LMO7: variants seen among roughly 807,000 people sequenced by gnomAD.
LMO7 encodes the protein LIM domain 7, also known as LIM domain only protein 7.
A neutral mutation model predicts 206.5 loss-of-function variants in LMO7; 120 were observed. That is an observed-to-expected ratio of 0.58 (90% confidence interval 0.50 to 0.68). LMO7 has a LOEUF of 0.68. LMO7 is among the 30% of genes least tolerant of loss of function. LMO7 has a pLI of 0.00. For missense variants in LMO7, 1,959 were observed against 1,957.9 expected (o/e 1.00, Z -0.01); for synonymous variants, 706 against 681.5 (o/e 1.04, Z -0.56).
chr13:75,801,279 C>A (rs2054696431), intron 7 of LMO7, among the ~76,000 whole-genome samples: 3 of 150,838 alleles, frequency 2.0e-5, no homozygotes, highest in South Asian at 4.2e-4. Flanking sequence ...TAACTTTCAT[C>A]CTTGGCTTTT....
At chr13:75,747,625 A>G (rs2046954463) in intron 3 of LMO7, among the ~76,000 whole-genome samples, 1 of 152,206 alleles carries the variant, frequency 6.6e-6, no homozygotes, top group South Asian at 2.1e-4. Flanking sequence ...TATTTGAGAT[A>G]CAGATGCTTC....
intron 23 of LMO7, 82 bp downstream of exon 23, chr13:75,841,283 T>C: frequency 1.2e-6 from 1 of 861,980 alleles, no homozygotes; most frequent in Non-Finnish European, 1.9e-6. Flanking sequence ...GACACTTCAT[T>C]TTTCTCCACC....
intron 8 of LMO7, chr13:75,805,038 C>G: frequency 2.0e-6 from 2 of 1,001,494 alleles, no homozygotes; most frequent in Middle Eastern, 5.1e-4. Context: ...CCGTAGATTC[C>G]AAGTGAAAAA....
intron 1 of LMO7, among the ~76,000 whole-genome samples, chr13:75,651,864 G>T (rs758760926): frequency 6.6e-6 from 1 of 152,048 alleles, no homozygotes; most frequent in Non-Finnish European, 1.5e-5. Context: ...TTCTGGCAGT[G>T]CCATAAAGGA....
chr13:75,808,840 G>A (rs1029342885), intron 10 of LMO7, among the ~76,000 whole-genome samples: 10 of 152,060 alleles, frequency 6.6e-5, no homozygotes, highest in Admixed American at 5.9e-4. Flanking sequence ...ACTTAGAGAT[G>A]GACAAATCTG....
intron 1 of LMO7, among the ~76,000 whole-genome samples, chr13:75,698,943 CAT>C (rs1487461824): frequency 6.6e-6 from 1 of 152,132 alleles, no homozygotes; most frequent in African/African-American, 2.4e-5. Context: ...CCAAAGAAAA[CAT>C]GTATTCATTA....
chr13:75,771,735 C>T (rs538982639), intron 4 of LMO7, among the ~76,000 whole-genome samples: 3 of 151,922 alleles, frequency 2.0e-5, no homozygotes, highest in East Asian at 3.9e-4. Context: ...GAAAACATAA[C>T]ATGGGATATT....
rs529667085 is a variant in LMO7, at chr13:75,704,664, G to A, written c.70-8518G>A. Among the ~76,000 whole-genome samples the A allele has an allele frequency of 5.0e-4, 76 of 152,284 alleles. 1 individual carries two copies. The South Asian group carries it at 0.015, about 31-fold the overall frequency. On this transcript the variant is annotated intron_variant, in intron 1 of 30. Transcript: ENST00000377534. ...AAGTGCCTGCTGACTCGCATTAGTG[G>A]GCATTTTGCTGATAACCAGTCTGGT...
intron 1 of LMO7, among the ~76,000 whole-genome samples, chr13:75,642,318 G>T (rs1052367449): frequency 6.6e-6 from 1 of 151,826 alleles, no homozygotes; most frequent in Non-Finnish European, 1.5e-5. Flanking sequence ...GTAAAACAGG[G>T]TGTCAGCCAG....
intron 2 of LMO7, among the ~76,000 whole-genome samples, chr13:75,723,618 C>G (rs1000061096): frequency 6.6e-6 from 1 of 152,142 alleles, no homozygotes; most frequent in Non-Finnish European, 1.5e-5. Flanking sequence ...TTATATTGAG[C>G]TTTATATACA....
intron 1 of LMO7, among the ~76,000 whole-genome samples, chr13:75,645,618 AG>A (rs2036938828): frequency 6.6e-6 from 1 of 152,242 alleles, no homozygotes; most frequent in African/African-American, 2.4e-5. Context: ...TACATGAAGA[AG>A]GGGACAATAA....
chr13:75,636,147 C>T, upstream of LMO7: 1 of 264,906 alleles, frequency 3.8e-6, no homozygotes, highest in Non-Finnish European at 5.8e-6. Context: ...CGGCCCCTGG[C>T]GGACTGTGGC....
chr13:75,846,119 C>A (rs977322401), intron 26 of LMO7, among the ~76,000 whole-genome samples: 11 of 149,990 alleles, frequency 7.3e-5, no homozygotes, highest in African/African-American at 2.4e-4. Context: ...AAAAAAAAAT[C>A]TGTTTTCATG....
At chr13:75,657,811 G>A (rs140912005) in intron 1 of LMO7, among the ~76,000 whole-genome samples, 337 of 152,032 alleles carry the variant, frequency 2.2e-3, no homozygotes, top group African/African-American at 7.7e-3. Context: ...CTTCTCTAAG[G>A]CCCTCACCTA....
chr13:75,827,740 A>G (rs1447041420), intron 15 of LMO7, among the ~76,000 whole-genome samples: 1 of 147,994 alleles, frequency 6.8e-6, no homozygotes, highest in Non-Finnish European at 1.5e-5. Context: ...CTGCCCTTTC[A>G]GAGCTCTATG....
intron 11 of LMO7, among the ~76,000 whole-genome samples, chr13:75,813,134 T>G (rs73227982): frequency 0.011 from 1,707 of 152,326 alleles, 17 homozygotes; most frequent in Non-Finnish European, 0.016. Flanking sequence ...CAGTAAGCAC[T>G]CAGAAGCTGA....
chr13:75,738,102 C>G (rs1178104997), intron 3 of LMO7, among the ~76,000 whole-genome samples: 9 of 151,542 alleles, frequency 5.9e-5, no homozygotes, highest in Non-Finnish European at 1.2e-4. Flanking sequence ...TCATTCAGTT[C>G]AGGTTGACGT....
At chr13:75,639,914 A>G (rs901513820) in intron 1 of LMO7, among the ~76,000 whole-genome samples, 3 of 152,088 alleles carry the variant, frequency 2.0e-5, no homozygotes, top group Admixed American at 6.5e-5. Flanking sequence ...CCTGTAAGGG[A>G]TGCCAACCTG....
At chr13:75,696,986 C>T (rs1001067566) in intron 1 of LMO7, among the ~76,000 whole-genome samples, 1 of 152,124 alleles carries the variant, frequency 6.6e-6, no homozygotes, top group African/African-American at 2.4e-5. Context: ...CATTTTTGAT[C>T]TTTCCCAACG....
Sources: gnomAD v4.1 joint callset for allele counts (sites outside exome capture counted in the v4.1 genomes callset) on GRCh38, gnomAD v4.1.1 for gene constraint, MANE v1.5 for transcripts, NCBI Gene and HGNC (gene_info 2026-07-23, HGNC 2026-07-21) for gene names.